The following HPGD variants were observed in gnomAD, a reference collection of about 807,000 sequenced individuals.
HPGD encodes 15-hydroxyprostaglandin dehydrogenase [NAD(+)].
A neutral mutation model predicts 30.0 loss-of-function variants in HPGD; 29 were observed. That is an observed-to-expected ratio of 0.97 (90% CI 0.72 to 1.32). The LOEUF is 1.32. Ranked by LOEUF, HPGD falls within the 40% of genes most tolerant of loss-of-function variation. The probability of loss-of-function intolerance (pLI) is 0.00; values close to 1 mark genes in which losing one functional copy is unlikely to be tolerated. For synonymous variants in HPGD, 99 were observed against 112.4 expected (o/e 0.88, Z 0.75); for missense variants, 340 against 322.1 (o/e 1.06, Z -0.43).
chr4:174,512,803 A>G (rs535416329), intron 3 of HPGD, among the ~76,000 whole-genome samples: 2 of 152,332 alleles, frequency 1.3e-5, no homozygotes, highest in South Asian at 4.1e-4. Context: ...CCCAAGAAAA[A>G]TAAAGGCTGG....
At chr4:174,514,669 A>AATC (rs1409692564) in intron 3 of HPGD, among the ~76,000 whole-genome samples, 3 of 152,190 alleles carry the variant, frequency 2.0e-5, no homozygotes, top group African/African-American at 7.2e-5. Flanking sequence ...AAGCCAGAGC[A>AATC]ATCTGGCAAG....
intron 3 of HPGD, among the ~76,000 whole-genome samples, chr4:174,509,114 C>T (rs1311002560): frequency 6.6e-6 from 1 of 152,090 alleles, no homozygotes; most frequent in Non-Finnish European, 1.5e-5. Context: ...TCCATATATT[C>T]TTTTTGTTTT....
At chr4:174,515,054 A>T (rs1735701791) in intron 3 of HPGD, among the ~76,000 whole-genome samples, 1 of 152,182 alleles carries the variant, frequency 6.6e-6, no homozygotes, top group African/African-American at 2.4e-5. Flanking sequence ...ATGTTCATGG[A>T]TAGGAAGAAT....
intron 4 of HPGD, among the ~76,000 whole-genome samples, chr4:174,497,568 C>CCTTTTTTTTTTTTTTTTTT (rs1560976894): frequency 2.0e-5 from 1 of 51,114 alleles, no homozygotes. Flanking sequence ...CTTTTTCTTT[C>CCTTTTTTTTTTTTTTTTTT]TTTTTTTTTT....
At chr4:174,500,612 G>T (rs981815473) in intron 4 of HPGD, among the ~76,000 whole-genome samples, 1 of 152,210 alleles carries the variant, frequency 6.6e-6, no homozygotes, top group East Asian at 1.9e-4. Flanking sequence ...AAACGTAAAT[G>T]CATATTACTA....
chr4:174,517,934 A>G, intron 3 of HPGD, 37 bp downstream of exon 3: 1 of 1,070,980 alleles, frequency 9.3e-7, no homozygotes, highest in Non-Finnish European at 1.4e-6. Context: ...ATGTTATTAA[A>G]TAATTATAGA....
At position 174,507,991 on chromosome 4, in the gene HPGD, A is replaced by G. The variant is rs1341041802; in HGVS notation, c.421+705T>C. ...ACATGAGCTCAAGTTCTATACTGAA[A>G]TGTGAGCAGAAGGTCTGCCATTACT... is the stretch of plus-strand genomic sequence containing the variant. On this transcript the variant is annotated intron_variant, in intron 4 of 6. Coordinates refer to ENST00000296522, the MANE Select transcript of HPGD (RefSeq NM_000860.6). 3 of 616,560 alleles carry G rather than the reference A, an allele frequency of 4.9e-6. No individual in the cohort carries two copies. In the South Asian group the frequency reaches 5.7e-5, roughly 12 times the overall value. 38.2% of individuals were successfully genotyped at this position (616,560 alleles called of 1,614,324 possible). A position where few individuals can be genotyped will look rare whatever the true frequency, so the allele number is the denominator to read the frequency against.
At chr4:174,510,861 G>A (rs370367335) in intron 3 of HPGD, among the ~76,000 whole-genome samples, 6 of 152,148 alleles carry the variant, frequency 3.9e-5, no homozygotes, top group East Asian at 1.9e-4. Flanking sequence ...GGCTGGTCTC[G>A]AACTCCTGAC....
rs551729867 is a variant in HPGD at position 174,514,922 on chromosome 4, A to T, written c.324+3049T>A. ...GAATGCAATCCCATTTACAACAACC[A>T]CAAAAAGAATAAAATACCTATGAAT... On this transcript the variant is annotated intron_variant, in intron 3 of 6. Coordinates refer to ENST00000296522, the MANE Select transcript of HPGD (RefSeq NM_000860.6). Among the ~76,000 whole-genome samples, 19 of 152,256 alleles carry T rather than the reference A, an allele frequency of 1.2e-4. No homozygotes were observed. The South Asian group carries it at 3.7e-3, about 30-fold the overall frequency.
rs1235192977 is a variant in HPGD, at chr4:174,494,365, G to C, written c.499-1051C>G. ...TTCCCCTAAAAGCAATGGTTCAGTAGTCACTAATGTAGTGTTTGTAAGTGA... is the reference window on the plus strand; with the variant it reads ...TTCCCCTAAAAGCAATGGTTCAGTACTCACTAATGTAGTGTTTGTAAGTGA... On this transcript the variant is annotated intron_variant, in intron 5 of 6. Transcript: ENST00000296522. The surrounding 1 kb of genome is among the most constrained non-coding windows in gnomAD (Gnocchi z 4.9). 1.3e-5 allele frequency among the ~76,000 whole-genome samples: 2 copies of C among 152,130 alleles called. No individual in the cohort carries two copies. Among genetic ancestry groups the C allele is most frequent in the Non-Finnish European group, 2.9e-5 (2 of 68,030 alleles).
chr4:174,495,187 T>A (rs1734529107), intron 5 of HPGD, among the ~76,000 whole-genome samples: 1 of 152,150 alleles, frequency 6.6e-6, no homozygotes, highest in African/African-American at 2.4e-5. Context: ...CTCCTTTTCA[T>A]CGTATCTCTG....
intron 3 of HPGD, among the ~76,000 whole-genome samples, chr4:174,510,154 T>A (rs528637045): frequency 6.6e-6 from 1 of 152,306 alleles, no homozygotes; most frequent in Admixed American, 6.5e-5. Flanking sequence ...TCTTAAAAAT[T>A]TCCTTTTGAA....
intron 2 of HPGD, among the ~76,000 whole-genome samples, chr4:174,518,593 G>A (rs1449240672): frequency 6.6e-6 from 1 of 152,152 alleles, no homozygotes; most frequent in Non-Finnish European, 1.5e-5. Flanking sequence ...TATTATGCAT[G>A]TTTGGGGGAG....
chr4:174,511,898 G>A (rs1054050187), intron 3 of HPGD, among the ~76,000 whole-genome samples: 2 of 152,052 alleles, frequency 1.3e-5, no homozygotes, highest in Non-Finnish European at 2.9e-5. Context: ...CGCCCGCCTC[G>A]GTCTCCCAAA....
intron 3 of HPGD, among the ~76,000 whole-genome samples, chr4:174,516,099 C>G (rs1447496766): frequency 1.3e-5 from 2 of 152,246 alleles, no homozygotes; most frequent in Admixed American, 6.5e-5. Flanking sequence ...TCTCGAAGAA[C>G]TTAAAACAGA....
At chr4:174,521,451 G>A (rs1404939497) in intron 2 of HPGD, among the ~76,000 whole-genome samples, 2 of 152,196 alleles carry the variant, frequency 1.3e-5, no homozygotes, top group African/African-American at 2.4e-5. Flanking sequence ...GGAAAAAGCC[G>A]GAGAAAACAT....
At chr4:174,500,421 A>T (rs1734845250) in intron 4 of HPGD, among the ~76,000 whole-genome samples, 1 of 152,090 alleles carries the variant, frequency 6.6e-6, no homozygotes, top group South Asian at 2.1e-4. Context: ...AAAGAACTGA[A>T]AACATGCTTG....
In HPGD at chr4:174,521,990, C is replaced by CT; in HGVS notation, c.170dup (p.Thr58AspfsTer10). On this transcript the variant is annotated frameshift_variant, in exon 2 of 7. Transcript: ENST00000296522. LOFTEE classifies it high-confidence loss of function. ...CCACATCGCACTGGATGAACAGAGT[C>CT]TTCTGAGGTTCAAACTGCTCATCCA... The CT allele has an allele frequency of 6.2e-7, 1 of 1,614,144 alleles. No individual in the cohort carries two copies. Among genetic ancestry groups the CT allele is most frequent in the East Asian group, 2.2e-5 (1 of 44,880 alleles).
chr4:174,522,560 C>T, upstream of HPGD: 1 of 717,164 alleles, frequency 1.4e-6, no homozygotes. Context: ...GGGCGCTCCC[C>T]TGCCAGTGGG....
Sources: gnomAD v4.1 joint callset for allele counts (sites outside exome capture counted in the v4.1 genomes callset) on GRCh38, gnomAD v4.1.1 for gene constraint, Gnocchi (gnomAD v3.1) non-coding constraint, MANE v1.5 for transcripts, NCBI Gene and HGNC (gene_info 2026-07-23, HGNC 2026-07-21) for gene names.